Variants in ABCA13 observed in about 807,000 individuals in gnomAD.
ABCA13 encodes the protein ATP-binding cassette sub-family A member 13.
In ABCA13, 476 loss-of-function variants were observed where a neutral mutation model predicts 478.7. That is an observed-to-expected ratio of 0.99 (90% confidence interval 0.92 to 1.07). The LOEUF (loss-of-function observed/expected upper bound fraction) is 1.07, where lower values mean the gene tolerates loss of function less well. ABCA13 is among the 50% of genes least tolerant of loss of function. The pLI, the probability that ABCA13 is intolerant of heterozygous loss-of-function variation, is 0.00. For missense variants in ABCA13, 6,060 were observed against 5,910.6 expected, an observed-to-expected ratio of 1.03 and a Z score of -0.83; for synonymous variants, 2,252 against 2,158.9, an observed-to-expected ratio of 1.04 and a Z score of -1.20.
At chr7:48,289,359 A>ATT (rs767935565) in intron 20 of ABCA13, among the ~76,000 whole-genome samples, 45 of 139,646 alleles carry the variant, frequency 3.2e-4, no homozygotes, top group African/African-American at 9.5e-4. Context: ...CCCACAGACA[A>ATT]TTTTTTTTTT....
chr7:48,502,139 A>G (rs1202353382), intron 48 of ABCA13, among the ~76,000 whole-genome samples: 1 of 152,220 alleles, frequency 6.6e-6, no homozygotes, highest in East Asian at 1.9e-4. Context: ...ACTGAATGAG[A>G]AAATGTATTA....
intron 43 of ABCA13, among the ~76,000 whole-genome samples, chr7:48,462,443 TC>T (rs547024143): frequency 4.1e-4 from 61 of 148,264 alleles, no homozygotes; most frequent in East Asian, 7.9e-4. Context: ...AGTAAAGGAT[TC>T]CCCCCCCCCT....
rs746710949 is a variant in ABCA13, at chr7:48,455,191, C to T, written c.12720C>T (p.Ala4240=). 8 of 1,592,178 alleles carry T rather than the reference C, an allele frequency of 5.0e-6. No individual in the cohort carries two copies. In the East Asian group the frequency reaches 1.6e-4, roughly 32 times the overall value. The change falls in exon 43 of 62, where the codon GCC becomes GCT. Residue 4240 remains alanine, a synonymous_variant. Transcript: ENST00000435803. ...TGCCAGTCCTCTTCGTGGCCTTGGC[C>T]ATGGGCTTGTTCATGGTGAGACCCC... is the stretch of plus-strand genomic sequence containing the variant. ...LLLPVLFVAL[A]MGLFMVRPLA...
chr7:48,622,618 C>A (rs554158146), intron 59 of ABCA13, among the ~76,000 whole-genome samples: 1 of 152,250 alleles, frequency 6.6e-6, no homozygotes, highest in Non-Finnish European at 1.5e-5. Flanking sequence ...TTGTCCTCAT[C>A]CTCATCTTTT....
At chr7:48,377,991 A>G (rs1471974505) in intron 35 of ABCA13, among the ~76,000 whole-genome samples, 2 of 152,232 alleles carry the variant, frequency 1.3e-5, no homozygotes, top group Non-Finnish European at 2.9e-5. Flanking sequence ...AACCATCAGC[A>G]TCTAAGGCTA....
At chr7:48,204,704 G>A (rs550032666) in intron 3 of ABCA13, among the ~76,000 whole-genome samples, 15 of 152,150 alleles carry the variant, frequency 9.9e-5, no homozygotes, top group African/African-American at 3.1e-4. Context: ...TTCCCCATCT[G>A]TCCAGCCCTT....
intron 59 of ABCA13, among the ~76,000 whole-genome samples, chr7:48,631,769 AT>A (rs1397747071): frequency 6.6e-6 from 1 of 152,056 alleles, no homozygotes; most frequent in African/African-American, 2.4e-5. Flanking sequence ...AAATGTGGTC[AT>A]TTTTATGGTG....
At chr7:48,553,198 TTATC>T (rs1471887259) in intron 55 of ABCA13, among the ~76,000 whole-genome samples, 2 of 152,174 alleles carry the variant, frequency 1.3e-5, no homozygotes, top group Non-Finnish European at 2.9e-5. Flanking sequence ...CACATTTTCT[TTATC>T]TATTCATCTG....
intron 8 of ABCA13, among the ~76,000 whole-genome samples, chr7:48,238,282 G>A (rs577889533): frequency 6.6e-6 from 1 of 152,132 alleles, no homozygotes; most frequent in Non-Finnish European, 1.5e-5. Flanking sequence ...CACCTTGGGG[G>A]CTAGGATTTC....
chr7:48,195,254 A>C (rs1035900506), intron 2 of ABCA13, among the ~76,000 whole-genome samples: 2 of 152,242 alleles, frequency 1.3e-5, no homozygotes, highest in Non-Finnish European at 2.9e-5. Flanking sequence ...AAGAACATGA[A>C]GGAGCCATTG....
chr7:48,211,129 TG>T (rs1318355423), intron 3 of ABCA13, among the ~76,000 whole-genome samples: 1 of 152,218 alleles, frequency 6.6e-6, no homozygotes, highest in African/African-American at 2.4e-5. Context: ...TTAGTTTGTT[TG>T]GTGAGGTTGT....
chr7:48,557,241 A>C (rs1785928346), intron 55 of ABCA13, among the ~76,000 whole-genome samples: 1 of 152,062 alleles, frequency 6.6e-6, no homozygotes, highest in Non-Finnish European at 1.5e-5. Context: ...CACCACAATT[A>C]CAGTATTATA....
chr7:48,228,004 G>T (rs1458019101), intron 6 of ABCA13, among the ~76,000 whole-genome samples: 2 of 152,188 alleles, frequency 1.3e-5, no homozygotes, highest in East Asian at 1.9e-4. Context: ...ATCCCTTCCC[G>T]TGGTGGGCTT....
chr7:48,584,684 A>G (rs1789004679), intron 56 of ABCA13, among the ~76,000 whole-genome samples: 1 of 152,154 alleles, frequency 6.6e-6, no homozygotes, highest in African/African-American at 2.4e-5. Flanking sequence ...GTTTTTGTTA[A>G]TCTTTCACAA....
At chr7:48,506,240 T>C in intron 48 of ABCA13, 96 bp from the exon 49 acceptor site, 9 of 1,360,208 alleles carry the variant, frequency 6.6e-6, no homozygotes, top group Non-Finnish European at 9.4e-6. Flanking sequence ...CAGGATACAT[T>C]GTGATGGCAC....
intron 15 of ABCA13, among the ~76,000 whole-genome samples, chr7:48,261,289 A>T (rs1794143202): frequency 6.6e-6 from 1 of 151,928 alleles, no homozygotes; most frequent in Non-Finnish European, 1.5e-5. Flanking sequence ...CTTAGATAAA[A>T]TTTCTAATTT....
intron 35 of ABCA13, among the ~76,000 whole-genome samples, chr7:48,387,517 A>T (rs964786878): frequency 9.9e-5 from 15 of 152,130 alleles, no homozygotes; most frequent in African/African-American, 3.4e-4. Context: ...GTGGGACTTT[A>T]CTCTGGGAAT....
chr7:48,313,312 C>T (rs1006177697), intron 25 of ABCA13, 81 bp downstream of exon 25: 11 of 1,403,696 alleles, frequency 7.8e-6, no homozygotes, highest in Non-Finnish European at 1.1e-5. Flanking sequence ...CTTTATCTTC[C>T]CACATCTAAA....
chr7:48,491,412 G>A (rs1429237725), intron 48 of ABCA13, among the ~76,000 whole-genome samples: 1 of 152,172 alleles, frequency 6.6e-6, no homozygotes, highest in Non-Finnish European at 1.5e-5. Context: ...TGGCACAGAG[G>A]CCAGTGGAGG....
Sources: gnomAD v4.1 joint callset for allele counts (sites outside exome capture counted in the v4.1 genomes callset) on GRCh38, gnomAD v4.1.1 for gene constraint, MANE v1.5 for transcripts, NCBI Gene and HGNC (gene_info 2026-07-23, HGNC 2026-07-21) for gene names.